Variants in HACD2 observed in about 807,000 individuals in gnomAD.
HACD2 encodes the protein 3-hydroxyacyl-CoA dehydratase 2.
HACD2 carries 15 observed loss-of-function variants against 31.0 expected under a neutral mutation model. The observed-to-expected ratio is 0.48, with a 90% confidence interval of 0.32 to 0.75. The LOEUF (loss-of-function observed/expected upper bound fraction) is 0.75. HACD2 is among the 30% of genes least tolerant of loss of function. HACD2 has a pLI of 0.03. For synonymous variants in HACD2, 115 were observed against 122.2 expected (o/e 0.94, Z 0.39); for missense variants, 283 against 313.0 (o/e 0.90, Z 0.72).
chr3:123,497,874 C>T (rs2055853894), intron 6 of HACD2, among the ~76,000 whole-genome samples: 2 of 152,350 alleles, frequency 1.3e-5, no homozygotes, highest in Admixed American at 6.5e-5. Context: ...TTATATAATA[C>T]ATGTGTATCA....
intron 4 of HACD2, among the ~76,000 whole-genome samples, chr3:123,505,987 G>C (rs992609458): frequency 1.3e-5 from 2 of 152,226 alleles, no homozygotes; most frequent in Non-Finnish European, 2.9e-5. Context: ...CCAAGGACAG[G>C]GGGCTGAGCT....
intron 3 of HACD2, among the ~76,000 whole-genome samples, chr3:123,529,839 T>C (rs1413323695): frequency 6.6e-6 from 1 of 152,100 alleles, no homozygotes; most frequent in Admixed American, 6.6e-5. Flanking sequence ...AAGTCAAACA[T>C]TTAGTGAATA....
chr3:123,578,043 C>G (rs1389745531), intron 2 of HACD2, among the ~76,000 whole-genome samples: 2 of 152,166 alleles, frequency 1.3e-5, no homozygotes, highest in East Asian at 3.9e-4. Context: ...ACTCTCTCTC[C>G]CCACAGCCCC....
At chr3:123,544,394 C>T (rs6788956) in intron 3 of HACD2, among the ~76,000 whole-genome samples, 55,405 of 152,078 alleles carry the variant, frequency 0.36, 12,933 homozygotes, top group Non-Finnish European at 0.52. Flanking sequence ...CCAACCCACA[C>T]AGAACATTAA....
At chr3:123,524,980 C>T (rs3100789) in intron 4 of HACD2, among the ~76,000 whole-genome samples, 118,213 of 152,216 alleles carry the variant, frequency 0.78, 47,996 homozygotes, top group Non-Finnish European at 0.89. Context: ...ATGATCATAA[C>T]GTACTTTAAT....
intron 4 of HACD2, among the ~76,000 whole-genome samples, chr3:123,525,187 C>T (rs2056265208): frequency 6.6e-6 from 1 of 152,120 alleles, no homozygotes; most frequent in Admixed American, 6.6e-5. Context: ...CTTGTTTCGC[C>T]AGAGCTTTTG....
At chr3:123,570,831 TTTAACAG>T (rs1263334552) in intron 2 of HACD2, among the ~76,000 whole-genome samples, 1 of 152,032 alleles carries the variant, frequency 6.6e-6, no homozygotes, top group African/African-American at 2.4e-5. Flanking sequence ...AAAGCCATTG[TTTAACAG>T]GGGATACTTT....
intron 4 of HACD2, among the ~76,000 whole-genome samples, chr3:123,506,305 C>T (rs1392683518): frequency 1.3e-5 from 2 of 152,190 alleles, no homozygotes; most frequent in African/African-American, 4.8e-5. Context: ...TCTTCAAGGG[C>T]CCAGGTCTCA....
At position 123,492,667 on chromosome 3, in the gene HACD2, TA is replaced by T. The variant is rs2055778527; in HGVS notation, c.*2220del. 1 of 152,194 alleles carries T rather than the reference TA, an allele frequency of 6.6e-6. No homozygotes were observed. Among genetic ancestry groups the T allele is most frequent in the Non-Finnish European group, 1.5e-5 (1 of 68,040 alleles). 9.4% of individuals were successfully genotyped at this position (152,194 alleles called of 1,614,324 possible). A position where few individuals can be genotyped will look rare whatever the true frequency, so the allele number is the denominator to read the frequency against. ...CCACTGTTTGCAACAGAATGTTTTT[TA>T]TAAGTAGTGACAAATTATAATAAGG... is the stretch of plus-strand genomic sequence containing the variant. On this transcript the variant is annotated 3_prime_UTR_variant, in exon 7 of 7. Transcript: ENST00000383657.
chr3:123,563,868 A>G (rs1173801891), intron 3 of HACD2, among the ~76,000 whole-genome samples: 1 of 152,218 alleles, frequency 6.6e-6, no homozygotes, highest in Non-Finnish European at 1.5e-5. Context: ...ACTGGAATAC[A>G]GTAAGTATTT....
intron 3 of HACD2, among the ~76,000 whole-genome samples, chr3:123,562,156 A>G (rs2056736294): frequency 6.6e-6 from 1 of 152,214 alleles, no homozygotes; most frequent in Non-Finnish European, 1.5e-5. Flanking sequence ...CACTGAATAA[A>G]TATAAAAGCT....
chr3:123,496,645 A>T (rs553776516), intron 6 of HACD2, among the ~76,000 whole-genome samples: 1 of 152,370 alleles, frequency 6.6e-6, no homozygotes, highest in East Asian at 1.9e-4. Context: ...AAATCTGACA[A>T]GCTCTATAAT....
At position 123,584,963 on chromosome 3, in the gene HACD2, GC is replaced by G. The variant is rs1303611205; in HGVS notation, c.64del (p.Ala22ProfsTer27). 3 of 1,527,460 alleles carry G rather than the reference GC, an allele frequency of 2.0e-6. No individual in the cohort carries two copies. The highest frequency in any genetic ancestry group is 1.4e-5 in the African/African-American group (1 of 70,012). The allele number at this position is 1,527,460 out of a possible 1,614,324, so 94.6% of individuals were successfully genotyped here. On this transcript the variant is annotated frameshift_variant, in exon 1 of 7. Coordinates refer to ENST00000383657, the MANE Select transcript of HACD2 (RefSeq NM_198402.5). LOFTEE classifies it high-confidence loss of function. ...CTTCCGCGTGCCGCTGGCGTCCCCG[GC>G]CCCGGCCCTGCCACCGCCGCCCCCA... The part of the protein sequence containing the change: ...GNGGGGGRAG[A>X]GDASGTRKKK...
chr3:123,498,613 T>C (rs2055864048), intron 6 of HACD2, among the ~76,000 whole-genome samples: 1 of 152,222 alleles, frequency 6.6e-6, no homozygotes, highest in African/African-American at 2.4e-5. Flanking sequence ...TAATGCCTGA[T>C]GATCTAAGGT....
chr3:123,516,091 G>A (rs560880451), intron 4 of HACD2, among the ~76,000 whole-genome samples: 9 of 152,078 alleles, frequency 5.9e-5, no homozygotes, highest in African/African-American at 1.7e-4. Flanking sequence ...ACAATTTTAT[G>A]TATAAAGTGT....
At chr3:123,497,270 G>C (rs2055844996) in intron 6 of HACD2, among the ~76,000 whole-genome samples, 1 of 152,164 alleles carries the variant, frequency 6.6e-6, no homozygotes, top group Non-Finnish European at 1.5e-5. Context: ...CCGACAACAG[G>C]CTATTGAGAA....
At chr3:123,539,493 C>T (rs760611016) in intron 3 of HACD2, among the ~76,000 whole-genome samples, 59 of 151,706 alleles carry the variant, frequency 3.9e-4, no homozygotes, top group Admixed American at 7.9e-4. Flanking sequence ...TCACTTGAAC[C>T]CAGGAGGGCA....
At chr3:123,522,332 CAAAAAAA>C (rs34478912) in intron 4 of HACD2, among the ~76,000 whole-genome samples, 1 of 116,910 alleles carries the variant, frequency 8.6e-6, no homozygotes, top group African/African-American at 3.4e-5. Flanking sequence ...TGTCTCCAAA[CAAAAAAA>C]AAAAAAAAAA....
Position 123,492,926 on chromosome 3 carries a change from A to G in HACD2, c.*1962T>C, listed in dbSNP as rs974066932. The G allele has an allele frequency of 9.8e-5, 15 of 152,396 alleles. No homozygotes were observed. Among genetic ancestry groups the G allele is most frequent in the African/African-American group, 3.6e-4 (15 of 41,600 alleles). 9.4% of individuals were successfully genotyped at this position (152,396 alleles called of 1,614,324 possible). Reference sequence around the variant, plus strand: ...TTTTGTCTATCAAATACAAGAATAGATTCTAATTTCAACATGTCCAAGTTG... The same window carrying G: ...TTTTGTCTATCAAATACAAGAATAGGTTCTAATTTCAACATGTCCAAGTTG... On this transcript the variant is annotated 3_prime_UTR_variant, in exon 7 of 7. Transcript: ENST00000383657.
Sources: allele counts gnomAD v4.1 joint callset (sites outside exome capture counted in the v4.1 genomes callset), GRCh38; gene constraint gnomAD v4.1.1; transcripts MANE v1.5; gene names NCBI Gene and HGNC (gene_info 2026-07-23, HGNC 2026-07-21).